PRKAG2: variants seen among roughly 807,000 people sequenced by gnomAD.
The protein encoded by PRKAG2 is protein kinase AMP-activated non-catalytic subunit gamma 2, also known as 5'-AMP-activated protein kinase subunit gamma-2.
Under a neutral mutation model 69.6 loss-of-function variants are expected in PRKAG2, and 26 were observed. The observed-to-expected ratio is 0.37, with a 90% CI of 0.27 to 0.52. The LOEUF is 0.52. Among genes scored for constraint, PRKAG2 ranks in the 20% least tolerant of loss-of-function variants. The pLI is 0.90. For missense variants in PRKAG2, 557 were observed against 740.0 expected, an observed-to-expected ratio of 0.75 and a Z score of 2.87; for synonymous variants, 293 against 285.0, an observed-to-expected ratio of 1.03 and a Z score of -0.28.
chr7:151,746,648 G>T (rs1414882280), intron 3 of PRKAG2, among the ~76,000 whole-genome samples: 3 of 152,218 alleles, frequency 2.0e-5, no homozygotes, highest in African/African-American at 7.2e-5. Context: ...AAAGGACCTC[G>T]CGTGAACAGC....
chr7:151,581,713 T>TAC (rs1446152174), intron 6 of PRKAG2, among the ~76,000 whole-genome samples: 1 of 152,208 alleles, frequency 6.6e-6, no homozygotes, highest in Non-Finnish European at 1.5e-5. Flanking sequence ...TGGACATTTT[T>TAC]ACACTACAGT....
intron 3 of PRKAG2, among the ~76,000 whole-genome samples, chr7:151,711,838 C>T (rs1795370082): frequency 6.6e-6 from 1 of 152,234 alleles, no homozygotes; most frequent in Non-Finnish European, 1.5e-5. Flanking sequence ...GCAAGTTCTA[C>T]AATTTAGAAA....
chr7:151,863,166 G>C (rs879336954), intron 1 of PRKAG2, among the ~76,000 whole-genome samples: 1 of 143,802 alleles, frequency 7.0e-6, no homozygotes, highest in Non-Finnish European at 1.5e-5. Context: ...TACAGGGGGC[G>C]CTGGTAGATC....
intron 1 of PRKAG2, among the ~76,000 whole-genome samples, chr7:151,806,081 C>T (rs1218372538): frequency 6.6e-6 from 1 of 152,194 alleles, no homozygotes; most frequent in Non-Finnish European, 1.5e-5. Flanking sequence ...CCCAGCTACT[C>T]AGGAGGCTGA....
rs554094885 is a variant in PRKAG2 at position 151,642,242 on chromosome 7, C to G, written c.685-10104G>C. On this transcript the variant is annotated intron_variant, in intron 4 of 15. Coordinates refer to ENST00000287878, the MANE Select transcript of PRKAG2 (RefSeq NM_016203.4). ...CCTGTAGTCCCAGCTACTCAGGAGGCTGAGGCAGGAGAATGGTGTGAACAT... is the reference window on the plus strand; with the variant it reads ...CCTGTAGTCCCAGCTACTCAGGAGGGTGAGGCAGGAGAATGGTGTGAACAT... Among the ~76,000 whole-genome samples the G allele has an allele frequency of 5.0e-4, 76 of 151,922 alleles. 1 individual carries two copies. Among genetic ancestry groups the G allele is most frequent in the African/African-American group, 1.7e-3 (70 of 41,460 alleles).
At chr7:151,683,153 G>A (rs913113229) in intron 3 of PRKAG2, among the ~76,000 whole-genome samples, 1 of 152,264 alleles carries the variant, frequency 6.6e-6, no homozygotes, top group African/African-American at 2.4e-5. Flanking sequence ...GCTCCTGGCA[G>A]CCACACAGAA....
intron 4 of PRKAG2, among the ~76,000 whole-genome samples, chr7:151,643,313 G>C (rs1040947483): frequency 6.6e-6 from 1 of 152,196 alleles, no homozygotes; most frequent in East Asian, 1.9e-4. Context: ...TTTGAAATAT[G>C]TTGTATTTAT....
chr7:151,793,603 G>A (rs149884104), intron 1 of PRKAG2, among the ~76,000 whole-genome samples: 2,156 of 152,292 alleles, frequency 0.014, 30 homozygotes, highest in Middle Eastern at 0.02. Context: ...GTCACTGCCC[G>A]GGGAGTGGCT....
chr7:151,745,683 G>C lies in PRKAG2; in HGVS notation c.466+35469C>G, dbSNP rs543323584. Among the ~76,000 whole-genome samples the C allele has an allele frequency of 2.0e-5, 3 of 152,322 alleles. No homozygotes were observed. The South Asian group carries it at 6.2e-4, about 32-fold the overall frequency. On this transcript the variant is annotated intron_variant, in intron 3 of 15. Coordinates refer to ENST00000287878, the MANE Select transcript of PRKAG2 (RefSeq NM_016203.4). ...CTGGCAGAGGCAACAGGGGCATCTT[G>C]ATTTTAAAAACACAGAGAAGTACTA...
intron 1 of PRKAG2, chr7:151,809,922 G>A (rs1370933510): frequency 1.3e-5 from 2 of 152,190 alleles, no homozygotes; most frequent in African/African-American, 4.8e-5. Flanking sequence ...GAACCTCCAC[G>A]TCAGCCACCC....
At chr7:151,742,751 A>T (rs2151715852) in intron 3 of PRKAG2, among the ~76,000 whole-genome samples, 2 of 152,300 alleles carry the variant, frequency 1.3e-5, no homozygotes, top group Middle Eastern at 6.8e-3. Flanking sequence ...CGTACTCTGG[A>T]AGCACAAAGC....
rs1380736183 is a variant in PRKAG2, at chr7:151,583,128, C to T, written c.865-6676G>A. Among the ~76,000 whole-genome samples the T allele has an allele frequency of 6.6e-6, 1 of 152,184 alleles. No individual in the cohort carries two copies. The highest frequency in any genetic ancestry group is 1.5e-5 in the Non-Finnish European group (1 of 68,040). The stretch of plus-strand genomic sequence containing the variant: ...CTCAACCTCGTAGGCTCAAGTGATC[C>T]TTATGCCTCAGCCTCCTGAGTAGCT... On this transcript the variant is annotated intron_variant, in intron 6 of 15. Coordinates refer to ENST00000287878, the MANE Select transcript of PRKAG2 (RefSeq NM_016203.4). This position sits in a 1 kb window ranked among gnomAD's most constrained non-coding sequence, Gnocchi z 4.1.
At chr7:151,743,507 C>T (rs1025536938) in intron 3 of PRKAG2, among the ~76,000 whole-genome samples, 2 of 152,194 alleles carry the variant, frequency 1.3e-5, no homozygotes, top group African/African-American at 4.8e-5. Context: ...ACAAACCTAC[C>T]TTTGACAACT....
chr7:151,614,081 A>G lies in PRKAG2; in HGVS notation c.754+17988T>C, dbSNP rs1390869966. 6.6e-6 allele frequency among the ~76,000 whole-genome samples: 1 copy of G among 152,094 alleles called. No individual in the cohort carries two copies. The highest frequency in any genetic ancestry group is 6.6e-5 in the Admixed American group (1 of 15,266). On this transcript the variant is annotated intron_variant, in intron 5 of 15. Transcript: ENST00000287878. The surrounding 1 kb of genome is among the most constrained non-coding windows in gnomAD (Gnocchi z 4.4). ...CAACTCAGACACCCCCGCTCCAGTG[A>G]CCAACTCTCTGGTCTCACTGGAGCC...
At chr7:151,798,869 T>C (rs1254717543) in intron 1 of PRKAG2, among the ~76,000 whole-genome samples, 1 of 152,130 alleles carries the variant, frequency 6.6e-6, no homozygotes, top group Non-Finnish European at 1.5e-5. Context: ...CACATCTCTT[T>C]ATTACCACAA....
chr7:151,854,972 A>T (rs2079671966), intron 1 of PRKAG2, among the ~76,000 whole-genome samples: 1 of 33,890 alleles, frequency 3.0e-5, no homozygotes, highest in South Asian at 7.8e-4. Context: ...ACCACCCTCC[A>T]CACACACCAT....
chr7:151,630,335 ATC>A (rs1191772862), intron 5 of PRKAG2, among the ~76,000 whole-genome samples: 1 of 152,232 alleles, frequency 6.6e-6, no homozygotes, highest in Non-Finnish European at 1.5e-5. Context: ...GTTGAGAAGA[ATC>A]TCTGTGTTGG....
chr7:151,669,756 G>A (rs1450048973), intron 4 of PRKAG2, among the ~76,000 whole-genome samples: 2 of 150,458 alleles, frequency 1.3e-5, no homozygotes, highest in Admixed American at 6.6e-5. Flanking sequence ...ACACCTGCAT[G>A]CACACACACC....
At chr7:151,739,627 A>G (rs1314467204) in intron 3 of PRKAG2, among the ~76,000 whole-genome samples, 1 of 151,656 alleles carries the variant, frequency 6.6e-6, no homozygotes, top group Non-Finnish European at 1.5e-5. Flanking sequence ...ACACCACCAC[A>G]CCCAGGCAAT....
Sources: gnomAD v4.1 joint callset for allele counts (sites outside exome capture counted in the v4.1 genomes callset) on GRCh38, gnomAD v4.1.1 for gene constraint, Gnocchi (gnomAD v3.1) non-coding constraint, MANE v1.5 for transcripts, NCBI Gene and HGNC (gene_info 2026-07-23, HGNC 2026-07-21) for gene names.